PCDHGB1: variants seen among roughly 807,000 people sequenced by gnomAD.
PCDHGB1 encodes protocadherin gamma-B1.
A neutral mutation model predicts 56.6 loss-of-function variants in PCDHGB1; 34 were observed. The observed-to-expected ratio is 0.60, with a 90% CI of 0.46 to 0.80. PCDHGB1 has a LOEUF of 0.80. Among genes scored for constraint, PCDHGB1 ranks in the 30% least tolerant of loss-of-function variants. PCDHGB1 has a pLI of 0.00. For synonymous variants in PCDHGB1, 561 were observed against 505.9 expected, an observed-to-expected ratio of 1.11 and a Z score of -1.46; for missense variants, 1,278 against 1,204.6, an observed-to-expected ratio of 1.06 and a Z score of -0.90.
intron 1 of PCDHGB1, chr5:141,403,017 T>C: frequency 6.2e-7 from 1 of 1,614,064 alleles, no homozygotes; most frequent in South Asian, 1.1e-5. Context: ...CTCCTGGGGA[T>C]GCTATGGGAG....
Position 141,403,961 on chromosome 5 carries a change from G to A in PCDHGB1, c.2409+51292G>A, listed in dbSNP as rs763967342. 8.1e-6 allele frequency: 13 copies of A among 1,613,892 alleles called. No individual in the cohort carries two copies. Among genetic ancestry groups the A allele is most frequent in the Non-Finnish European group, 1.1e-5 (13 of 1,179,856 alleles). On this transcript the variant is annotated intron_variant, in intron 1 of 3. Transcript: ENST00000523390. ...AGGGTGGACAAAAGTGCTCATTTCG[G>A]TGGAAGATGTAAATGACAATAGACC...
In PCDHGB1 at chr5:141,478,301, G is replaced by C. The variant is rs778427815; in HGVS notation, c.2410-16506G>C. ...GAAGCAGTCTAGAGACCTATACCGA[G>C]CCCCGGTGAGCTCACTGTACCGAAC... On this transcript the variant is annotated intron_variant, in intron 1 of 3. Coordinates refer to ENST00000523390, the MANE Select transcript of PCDHGB1 (RefSeq NM_018922.3). 2.5e-6 allele frequency: 4 copies of C among 1,614,074 alleles called. No individual in the cohort carries two copies. In the South Asian group the frequency reaches 4.4e-5, roughly 18 times the overall value.
chr5:141,387,830 TTA>T (rs2091113162), intron 1 of PCDHGB1: 1 of 1,590,004 alleles, frequency 6.3e-7, no homozygotes, highest in African/African-American at 1.3e-5. Context: ...AATACAGAGG[TTA>T]TTTGTAACCC....
At chr5:141,410,625 G>A (rs202058499) in intron 1 of PCDHGB1, 1 of 1,602,442 alleles carries the variant, frequency 6.2e-7, no homozygotes, top group Non-Finnish European at 8.5e-7. Flanking sequence ...ACTTCGGTGA[G>A]TTTCTCTTTT....
chr5:141,365,000 G>C (rs188773052), intron 1 of PCDHGB1: 16 of 1,613,704 alleles, frequency 9.9e-6, no homozygotes, highest in South Asian at 3.3e-5. Context: ...GGTACTCTCC[G>C]GCACCACGCA....
intron 1 of PCDHGB1, chr5:141,423,311 T>G: frequency 2.5e-6 from 4 of 1,614,134 alleles, no homozygotes; most frequent in Non-Finnish European, 3.4e-6. Flanking sequence ...CTGTACTTGG[T>G]GGTGGCGGTG....
intron 1 of PCDHGB1, chr5:141,370,528 C>T (rs896464914): frequency 1.3e-5 from 21 of 1,613,784 alleles, no homozygotes; most frequent in Middle Eastern, 1.6e-4. Flanking sequence ...GACAGGGGCT[C>T]GCTGGTAGGG....
intron 1 of PCDHGB1, chr5:141,403,857 C>T (rs1431988074): frequency 6.2e-7 from 1 of 1,613,412 alleles, no homozygotes; most frequent in South Asian, 1.1e-5. Flanking sequence ...GGGGAAATAT[C>T]AACAGCAAAA....
chr5:141,409,748 G>C, intron 1 of PCDHGB1: 2 of 1,613,018 alleles, frequency 1.2e-6, no homozygotes, highest in South Asian at 2.2e-5. Context: ...GGTGGTGTTC[G>C]CGCAGCGCGC....
chr5:141,491,483 A>ACCTGCAGGTGAGCTCGG lies in PCDHGB1; in HGVS notation c.2410-3323_2410-3307dup. The ACCTGCAGGTGAGCTCGG allele has an allele frequency of 3.1e-6, 5 of 1,614,018 alleles. No individual in the cohort carries two copies. The highest frequency in any genetic ancestry group is 4.2e-6 in the Non-Finnish European group (5 of 1,180,012). ...GACTTCTATAAGCAGTCCAGCCCCAACCTGCAGGTGAGCTCGGACGGCACG... is the reference window on the plus strand; with the variant it reads ...GACTTCTATAAGCAGTCCAGCCCCAACCTGCAGGTGAGCTCGGCCTGCAGGTGAGCTCGGACGGCACG... On this transcript the variant is annotated intron_variant, in intron 1 of 3. Coordinates refer to ENST00000523390, the MANE Select transcript of PCDHGB1 (RefSeq NM_018922.3). The surrounding 1 kb of genome is among the most constrained non-coding windows in gnomAD (Gnocchi z 6.9).
chr5:141,441,692 G>A (rs1165171238), intron 1 of PCDHGB1: 2 of 301,376 alleles, frequency 6.6e-6, no homozygotes, highest in Non-Finnish European at 1.3e-5. Context: ...AAGAGCAGCC[G>A]CGAGCCTTCA....
At chr5:141,365,372 AT>A in intron 1 of PCDHGB1, 1 of 1,613,916 alleles carries the variant, frequency 6.2e-7, no homozygotes, top group Non-Finnish European at 8.5e-7. Flanking sequence ...CCCCGAAGTG[AT>A]CCTCACCTCT....
chr5:141,357,290 T>G lies in PCDHGB1; in HGVS notation c.2409+4621T>G, dbSNP rs773203887. 6 of 1,613,834 alleles carry G rather than the reference T, an allele frequency of 3.7e-6. No homozygotes were observed. The African/African-American group carries it at 8.0e-5, about 22-fold the overall frequency. On this transcript the variant is annotated intron_variant, in intron 1 of 3. Transcript: ENST00000523390. ...CTCACACTCTATCTCGTGGTGGCAG[T>G]GGCCGCTGTCTCCTGCGTCTTCCTG...
chr5:141,497,540 CTTT>C (rs754207034), intron 2 of PCDHGB1, among the ~76,000 whole-genome samples: 11 of 134,886 alleles, frequency 8.2e-5, no homozygotes, highest in African/African-American at 1.9e-4. Context: ...TGCAACAAAC[CTTT>C]TTTTTTTTTT....
chr5:141,433,054 G>A, intron 1 of PCDHGB1: 2 of 1,614,196 alleles, frequency 1.2e-6, no homozygotes, highest in Non-Finnish European at 1.7e-6. Context: ...ACTCGCGGAA[G>A]AGTCACCTGA....
rs767515334 is a variant in PCDHGB1, at chr5:141,403,753, C to A, written c.2409+51084C>A. ...CCTGGCTGCTTACTGCAACAGCCAG[C>A]GACCTGGATGAGGGAATCAACGGAA... is the stretch of plus-strand genomic sequence containing the variant. On this transcript the variant is annotated intron_variant, in intron 1 of 3. Transcript: ENST00000523390. The A allele has an allele frequency of 1.9e-6, 3 of 1,613,502 alleles. No individual in the cohort carries two copies. The Admixed American group carries it at 5.0e-5, about 27-fold the overall frequency.
intron 1 of PCDHGB1, chr5:141,404,668 T>C: frequency 6.2e-7 from 1 of 1,614,148 alleles, no homozygotes; most frequent in Non-Finnish European, 8.5e-7. Flanking sequence ...CTGATGGTTC[T>C]ACTGGTGTGG....
chr5:141,476,831 G>C lies in PCDHGB1; in HGVS notation c.2410-17976G>C, dbSNP rs779348525. ...TCACATCAAGGTGCTGGACGCGAAT[G>C]ACAATGCGCCTGTCTTCAACCAGTC... On this transcript the variant is annotated intron_variant, in intron 1 of 3. Transcript: ENST00000523390. This position sits in a 1 kb window ranked among gnomAD's most constrained non-coding sequence, Gnocchi z 7.6. 1 of 1,613,504 alleles carries C rather than the reference G, an allele frequency of 6.2e-7. No homozygotes were observed. Among genetic ancestry groups the C allele is most frequent in the Non-Finnish European group, 8.5e-7 (1 of 1,180,050 alleles).
intron 1 of PCDHGB1, chr5:141,418,940 C>T (rs867717378): frequency 5.6e-6 from 9 of 1,614,010 alleles, no homozygotes; most frequent in Non-Finnish European, 7.6e-6. Flanking sequence ...GGAGGATTCC[C>T]CTCCAGGAGT....
Sources: gnomAD v4.1 joint callset for allele counts (sites outside exome capture counted in the v4.1 genomes callset) on GRCh38, gnomAD v4.1.1 for gene constraint, Gnocchi (gnomAD v3.1) non-coding constraint, MANE v1.5 for transcripts, NCBI Gene and HGNC (gene_info 2026-07-23, HGNC 2026-07-21) for gene names.